DHRS4L2: variants seen among roughly 807,000 people sequenced by gnomAD.
DHRS4L2 encodes the protein dehydrogenase/reductase SDR family member 4-like 2.
A neutral mutation model predicts 23.9 loss-of-function variants in DHRS4L2; 22 were observed. The ratio of observed to expected loss-of-function variants is 0.92; its 90% confidence interval spans 0.66 to 1.31. The LOEUF is 1.31. Among genes scored for constraint, DHRS4L2 ranks in the 40% most tolerant of loss-of-function variants. The pLI is 0.00. For synonymous variants in DHRS4L2, 141 were observed against 123.7 expected (o/e 1.14, Z -0.93); for missense variants, 385 against 303.3 (o/e 1.27, Z -2.00).
At chr14:23,975,713 G>T (rs564780951) in intron 1 of DHRS4L2, among the ~76,000 whole-genome samples, 1 of 151,802 alleles carries the variant, frequency 6.6e-6, no homozygotes, top group African/African-American at 2.4e-5. Context: ...AAACAGCATG[G>T]TACCGGTACC....
chr14:23,976,257 A>C (rs1348408509), intron 1 of DHRS4L2, among the ~76,000 whole-genome samples: 2 of 151,992 alleles, frequency 1.3e-5, no homozygotes, highest in Admixed American at 6.5e-5. Context: ...AAATAAATTT[A>C]CAAGAAAAAA....
chr14:24,005,821 G>T, intron 7 of DHRS4L2, 65 bp from the exon 8 acceptor site: 1 of 1,593,018 alleles, frequency 6.3e-7, no homozygotes. Flanking sequence ...AACTCCCCGT[G>T]TCCCAGGTGA....
chr14:24,001,635 A>T (rs1594477597), intron 6 of DHRS4L2, 118 bp downstream of exon 6: 1 of 1,440,190 alleles, frequency 6.9e-7, no homozygotes, highest in Admixed American at 2.2e-5. Context: ...CCTTCCCTGG[A>T]CTTTCCCATA....
intron 6 of DHRS4L2, among the ~76,000 whole-genome samples, 188 bp downstream of exon 6, chr14:24,001,705 T>C (rs2039814052): frequency 7.9e-6 from 1 of 127,334 alleles, no homozygotes; most frequent in South Asian, 2.8e-4. Flanking sequence ...TTTTCTGAGG[T>C]ATAGGCTGGA....
chr14:23,977,310 C>A (rs201523915), intron 1 of DHRS4L2, among the ~76,000 whole-genome samples: 4 of 151,622 alleles, frequency 2.6e-5, no homozygotes, highest in Non-Finnish European at 5.9e-5. Flanking sequence ...TGTTTAAATA[C>A]CCCAAGGGCT....
In DHRS4L2 at chr14:24,004,347, A is replaced by T. The variant is rs2034532384; in HGVS notation, c.676A>T (p.Thr226Ser). 2 of 1,603,812 alleles carry T rather than the reference A, an allele frequency of 1.2e-6. No individual in the cohort carries two copies. Among genetic ancestry groups the T allele is most frequent in the African/African-American group, 2.9e-5 (2 of 69,160 alleles). ...RLASAGCSGW[T>S]RKKRKA ...CCCTTCTTCCTACAGCTCTGGATGG[A>T]CAAGGAAAAAGAGGAAAGCATGAAA... Residue 226 changes from threonine to serine, a missense_variant, in exon 7 of 8, where the codon ACA (threonine) becomes TCA (serine). Coordinates refer to ENST00000335125, the MANE Select transcript of DHRS4L2 (RefSeq NM_198083.4).
At chr14:23,989,463 G>A (rs1413643042) in intron 1 of DHRS4L2, among the ~76,000 whole-genome samples, 1 of 151,426 alleles carries the variant, frequency 6.6e-6, no homozygotes, top group Non-Finnish European at 1.5e-5. Flanking sequence ...TTCTATTTGG[G>A]CTCCAGAAAG....
chr14:23,988,828 C>G, upstream of DHRS4L2: 2 of 1,434,014 alleles, frequency 1.4e-6, no homozygotes, highest in Non-Finnish European at 1.8e-6. Context: ...AGACGACTCC[C>G]AGCTGGCCGA....
intron 1 of DHRS4L2, among the ~76,000 whole-genome samples, chr14:23,982,220 T>C (rs1347306330): frequency 6.6e-6 from 1 of 151,644 alleles, no homozygotes; most frequent in East Asian, 1.9e-4. Context: ...CCCTGATTTA[T>C]TGAGACTGAA....
At chr14:24,004,252 G>A (rs561013904) in intron 6 of DHRS4L2, 85 bp from the exon 7 acceptor site, 7 of 1,415,434 alleles carry the variant, frequency 4.9e-6, no homozygotes, top group Non-Finnish European at 6.4e-6. Flanking sequence ...CTGGGCAAAA[G>A]AGCAAGACTC....
At chr14:24,004,723 C>T (rs1414428170) in intron 7 of DHRS4L2, 3 of 423,170 alleles carry the variant, frequency 7.1e-6, no homozygotes, top group Non-Finnish European at 8.2e-6. Context: ...TTGTTAGTCC[C>T]CTTGAATAAT....
At chr14:24,005,811 A>C in intron 7 of DHRS4L2, 75 bp from the exon 8 acceptor site, 2 of 1,573,944 alleles carry the variant, frequency 1.3e-6, no homozygotes, top group South Asian at 2.3e-5. Context: ...AAGCAAATTT[A>C]ACTCCCCGTG....
chr14:23,993,878 T>C (rs1392929874), intron 2 of DHRS4L2, among the ~76,000 whole-genome samples: 2 of 151,630 alleles, frequency 1.3e-5, no homozygotes, highest in African/African-American at 2.4e-5. Flanking sequence ...CAGAGGTCTC[T>C]TATGAATTAG....
At chr14:23,990,968 C>T (rs2034257302) in intron 2 of DHRS4L2, 1 of 830,944 alleles carries the variant, frequency 1.2e-6, no homozygotes, top group South Asian at 5.5e-5. Context: ...GGACTTCAGT[C>T]TCAAAGAAAG....
Position 23,995,890 on chromosome 14 carries a change from T to A in DHRS4L2, c.408+757T>A, listed in dbSNP as rs546791020. Among the ~76,000 whole-genome samples the A allele has an allele frequency of 2.2e-4, 34 of 151,946 alleles. No individual in the cohort carries two copies. The East Asian group carries it at 6.2e-3, about 28-fold the overall frequency. Reference sequence around the variant, plus strand: ...GTTTTACACTGATGTTGTATTAGTCTGTTTTGCATTGCTATAAAGGAATAC... The same window carrying A: ...GTTTTACACTGATGTTGTATTAGTCAGTTTTGCATTGCTATAAAGGAATAC... On this transcript the variant is annotated intron_variant, in intron 3 of 7. Coordinates refer to ENST00000335125, the MANE Select transcript of DHRS4L2 (RefSeq NM_198083.4).
intron 1 of DHRS4L2, among the ~76,000 whole-genome samples, chr14:23,974,578 T>G (rs1261623332): frequency 2.6e-5 from 4 of 151,758 alleles, no homozygotes; most frequent in African/African-American, 9.7e-5. Context: ...TCACCAGTGA[T>G]CCCACAGAAA....
intron 2 of DHRS4L2, among the ~76,000 whole-genome samples, chr14:23,992,124 C>G (rs2034283031): frequency 6.6e-6 from 1 of 151,510 alleles, no homozygotes; most frequent in South Asian, 2.1e-4. Flanking sequence ...AAATAAGAAG[C>G]CATGTGAGGT....
upstream of DHRS4L2, chr14:23,987,153 C>T: frequency 3.3e-6 from 1 of 306,340 alleles, no homozygotes; most frequent in Admixed American, 4.6e-5. Flanking sequence ...TTTGTTGAGA[C>T]AGAGTCTCCA....
At chr14:24,000,492 T>C (rs2034463952) in intron 3 of DHRS4L2, among the ~76,000 whole-genome samples, 1 of 151,992 alleles carries the variant, frequency 6.6e-6, no homozygotes, top group Non-Finnish European at 1.5e-5. Flanking sequence ...CTGAGAAGCA[T>C]GGCCTACTCT....
Sources: gnomAD v4.1 joint callset for allele counts (sites outside exome capture counted in the v4.1 genomes callset) on GRCh38, gnomAD v4.1.1 for gene constraint, MANE v1.5 for transcripts, NCBI Gene and HGNC (gene_info 2026-07-23, HGNC 2026-07-21) for gene names.